RBFOX1: variants seen among roughly 807,000 people sequenced by gnomAD.
RBFOX1 encodes RNA binding fox-1 homolog 1, also known as RNA binding protein fox-1 homolog 1.
A neutral mutation model predicts 57.7 loss-of-function variants in RBFOX1; 8 were observed. The ratio of observed to expected loss-of-function variants is 0.14; its 90% confidence interval spans 0.08 to 0.25. The LOEUF (loss-of-function observed/expected upper bound fraction) is 0.25, where lower values mean the gene tolerates loss of function less well. RBFOX1 is among the 10% of genes least tolerant of loss of function. RBFOX1 has a pLI of 1.00. For synonymous variants in RBFOX1, 326 were observed against 222.4 expected (o/e 1.47, Z -4.15); for missense variants, 611 against 548.5 (o/e 1.11, Z -1.14).
Position 7,023,972 on chromosome 16 carries a change from A to G in RBFOX1, c.-15-28085A>G, listed in dbSNP as rs185483230. Among the ~76,000 whole-genome samples the G allele has an allele frequency of 1.6e-3, 236 of 152,176 alleles. 1 individual carries two copies. Among genetic ancestry groups the G allele is most frequent in the African/African-American group, 5.5e-3 (229 of 41,516 alleles). ...GCAATAGCTGTCACTCTCCTAGGGG[A>G]TGTTTTGATAAGACAGCCACTTAGG... is the stretch of plus-strand genomic sequence containing the variant. On this transcript the variant is annotated intron_variant, in intron 3 of 15. Transcript: ENST00000550418.
At chr16:6,466,908 C>A (rs959699447) in intron 2 of RBFOX1, among the ~76,000 whole-genome samples, 3 of 151,958 alleles carry the variant, frequency 2.0e-5, no homozygotes, top group African/African-American at 7.2e-5. Context: ...CTCTCTGTGT[C>A]AATCTTAATA....
intron 3 of RBFOX1, among the ~76,000 whole-genome samples, chr16:6,807,880 T>C (rs2087273595): frequency 7.2e-6 from 1 of 138,390 alleles, no homozygotes; most frequent in Non-Finnish European, 1.6e-5. Flanking sequence ...TATCTAGTTC[T>C]GTTGAATATA....
chr16:5,918,215 G>A (rs896008574), intron 4 of RBFOX1, among the ~76,000 whole-genome samples: 2 of 152,166 alleles, frequency 1.3e-5, no homozygotes, highest in Non-Finnish European at 2.9e-5. Flanking sequence ...TGCCTCCCAG[G>A]TTCAAGTGAT....
intron 3 of RBFOX1, among the ~76,000 whole-genome samples, chr16:5,699,639 C>G (rs773326087): frequency 6.6e-6 from 1 of 151,980 alleles, no homozygotes; most frequent in Non-Finnish European, 1.5e-5. Context: ...TTTTGGTTGT[C>G]AGCTCTGGGT....
chr16:6,560,928 G>C (rs983341717), intron 2 of RBFOX1, among the ~76,000 whole-genome samples: 2 of 152,180 alleles, frequency 1.3e-5, no homozygotes, highest in Non-Finnish European at 1.5e-5. Flanking sequence ...GATGATGCTA[G>C]TTGGCATTCA....
At chr16:6,044,810 G>C (rs1267115890) in intron 1 of RBFOX1, among the ~76,000 whole-genome samples, 1 of 152,168 alleles carries the variant, frequency 6.6e-6, no homozygotes, top group Non-Finnish European at 1.5e-5. Flanking sequence ...GACACAGCCT[G>C]GTCCATTGTC....
chr16:7,322,329 C>G (rs992918996), intron 4 of RBFOX1, among the ~76,000 whole-genome samples: 1 of 152,258 alleles, frequency 6.6e-6, no homozygotes, highest in South Asian at 2.1e-4. Flanking sequence ...AAACCTGCCC[C>G]CTGCCAAGCT....
intron 2 of RBFOX1, among the ~76,000 whole-genome samples, chr16:5,595,539 A>T (rs892223937): frequency 1.3e-4 from 20 of 152,190 alleles, no homozygotes; most frequent in Non-Finnish European, 2.6e-4. Context: ...TTTGGGATCT[A>T]AAAAGGGTTG....
At chr16:6,861,100 T>C (rs1400671590) in intron 3 of RBFOX1, among the ~76,000 whole-genome samples, 1 of 152,162 alleles carries the variant, frequency 6.6e-6, no homozygotes. Flanking sequence ...ATATTTTATG[T>C]TGCAAGCTGC....
intron 3 of RBFOX1, among the ~76,000 whole-genome samples, chr16:6,907,531 G>A (rs1246940903): frequency 3.3e-5 from 5 of 152,182 alleles, no homozygotes; most frequent in Admixed American, 3.3e-4. Flanking sequence ...GAGAGAATCG[G>A]TCCTATGCCT....
intron 4 of RBFOX1, among the ~76,000 whole-genome samples, chr16:7,445,588 A>T (rs2098801696): frequency 6.6e-6 from 1 of 152,218 alleles, no homozygotes; most frequent in Non-Finnish European, 1.5e-5. Context: ...CCCTGCCCAG[A>T]AAACTCATTG....
chr16:5,528,565 T>C (rs66542718), intron 2 of RBFOX1, among the ~76,000 whole-genome samples: 16,967 of 135,162 alleles, frequency 0.13, 1,552 homozygotes, highest in African/African-American at 0.25. Context: ...TTTTTTTTTT[T>C]CTGGCTTCTT....
chr16:6,647,009 C>T (rs915391347), intron 2 of RBFOX1, among the ~76,000 whole-genome samples: 3 of 152,152 alleles, frequency 2.0e-5, no homozygotes, highest in African/African-American at 7.2e-5. Context: ...CTGCCATAGA[C>T]TGGATAGCTT....
At chr16:7,619,857 C>A (rs773155254) in intron 10 of RBFOX1, among the ~76,000 whole-genome samples, 1 of 152,058 alleles carries the variant, frequency 6.6e-6, no homozygotes, top group Non-Finnish European at 1.5e-5. Context: ...ATTGGAGGAG[C>A]TGTGTCTCAA....
At position 7,579,823 on chromosome 16, in the gene RBFOX1, C is replaced by T. The variant is rs756482082; in HGVS notation, c.317C>T (p.Pro106Leu). ...APTDGQPQTQ[P>L]SENTENKSQP... ...ACGGATGGCCAGCCCCAGACACAAC[C>T]TTCTGAAAACACGGAAAACAAGTCT... Residue 106 changes from proline (P) to leucine (L), a missense_variant, in exon 6 of 16, where the codon CCT becomes CTT. Coordinates refer to ENST00000550418, the MANE Select transcript of RBFOX1 (RefSeq NM_018723.4). 4 of 1,614,004 alleles carry T rather than the reference C, an allele frequency of 2.5e-6. No homozygotes were observed. The highest frequency in any genetic ancestry group is 4.5e-5 in the East Asian group (2 of 44,872).
intron 2 of RBFOX1, among the ~76,000 whole-genome samples, chr16:5,539,874 A>G (rs985079583): frequency 4.6e-5 from 7 of 152,206 alleles, no homozygotes; most frequent in African/African-American, 1.4e-4. Context: ...TTTGGTCACA[A>G]ATGAAGTAGG....
chr16:6,125,689 C>T (rs569332246), intron 1 of RBFOX1, among the ~76,000 whole-genome samples: 12 of 152,278 alleles, frequency 7.9e-5, no homozygotes, highest in South Asian at 2.1e-4. Flanking sequence ...AAATGCGTGT[C>T]TAACCTGGAT....
chr16:6,958,250 C>T (rs978205613), intron 3 of RBFOX1, among the ~76,000 whole-genome samples: 2 of 152,140 alleles, frequency 1.3e-5, no homozygotes, highest in African/African-American at 2.4e-5. Context: ...ACGATGCAGC[C>T]GTTAGCAGGC....
intron 9 of RBFOX1, among the ~76,000 whole-genome samples, chr16:7,598,765 C>G (rs2094847477): frequency 6.6e-6 from 1 of 151,934 alleles, no homozygotes; most frequent in African/African-American, 2.4e-5. Flanking sequence ...ATATAGAGTT[C>G]CTTTAATTTA....
Sources: allele counts gnomAD v4.1 joint callset (sites outside exome capture counted in the v4.1 genomes callset), GRCh38; gene constraint gnomAD v4.1.1; transcripts MANE v1.5; gene names NCBI Gene and HGNC (gene_info 2026-07-23, HGNC 2026-07-21).